MYO16: variants seen among roughly 807,000 people sequenced by gnomAD.
MYO16 encodes myosin XVI.
In MYO16, 94 loss-of-function variants were observed where a neutral mutation model predicts 205.3. That is an observed-to-expected ratio of 0.46 (90% CI 0.39 to 0.54). The LOEUF (loss-of-function observed/expected upper bound fraction) is 0.54, where lower values mean the gene tolerates loss of function less well. Among genes scored for constraint, MYO16 ranks in the 20% least tolerant of loss-of-function variants. The pLI is 0.00. For missense variants in MYO16, 2,315 were observed against 2,387.5 expected (o/e 0.97, Z 0.63); for synonymous variants, 988 against 954.0 (o/e 1.04, Z -0.66).
At chr13:109,112,046 T>C (rs879736641) in intron 28 of MYO16, among the ~76,000 whole-genome samples, 1 of 152,184 alleles carries the variant, frequency 6.6e-6, no homozygotes. Flanking sequence ...AGTAATGATA[T>C]TATTCAGTGA....
At chr13:108,732,462 G>A (rs112713733) in intron 4 of MYO16, among the ~76,000 whole-genome samples, 6 of 152,216 alleles carry the variant, frequency 3.9e-5, no homozygotes, top group Non-Finnish European at 8.8e-5. Flanking sequence ...CGGGAGCTAC[G>A]TGGATACGTG....
chr13:108,647,168 C>T (rs768322385), intron 1 of MYO16, among the ~76,000 whole-genome samples: 1 of 152,148 alleles, frequency 6.6e-6, no homozygotes, highest in African/African-American at 2.4e-5. Context: ...TCTCCCTTGT[C>T]ACCCAGTAGG....
chr13:109,037,507 CAAGT>C (rs1244426026), intron 23 of MYO16, among the ~76,000 whole-genome samples: 6 of 151,930 alleles, frequency 3.9e-5, no homozygotes, highest in Admixed American at 3.3e-4. Flanking sequence ...GAGTCCTTCT[CAAGT>C]AAGTCATGTA....
intron 3 of MYO16, among the ~76,000 whole-genome samples, chr13:108,713,601 T>G (rs1883807701): frequency 6.6e-6 from 1 of 152,208 alleles, no homozygotes; most frequent in Admixed American, 6.5e-5. Context: ...GCTTGACCGC[T>G]GGGAGTTGTT....
intron 1 of MYO16, among the ~76,000 whole-genome samples, chr13:108,636,237 T>C (rs1374803802): frequency 6.6e-6 from 1 of 152,202 alleles, no homozygotes; most frequent in African/African-American, 2.4e-5. Flanking sequence ...TATGATAAGG[T>C]AAATCTCTCC....
At chr13:108,898,739 ATACT>A (rs1382741036) in intron 15 of MYO16, among the ~76,000 whole-genome samples, 4 of 152,170 alleles carry the variant, frequency 2.6e-5, no homozygotes, top group African/African-American at 7.2e-5. Context: ...TTTGATTTAA[ATACT>A]TAAAGTATAT....
chr13:108,910,237 C>A, intron 16 of MYO16, 87 bp downstream of exon 16: 1 of 1,390,698 alleles, frequency 7.2e-7, no homozygotes, highest in Non-Finnish European at 9.9e-7. Flanking sequence ...TCTTACTTTT[C>A]AGAGACAAAA....
At chr13:109,090,073 G>A (rs1283214676) in intron 27 of MYO16, among the ~76,000 whole-genome samples, 1 of 152,204 alleles carries the variant, frequency 6.6e-6, no homozygotes, top group Non-Finnish European at 1.5e-5. Flanking sequence ...GTGCATTTGT[G>A]TTCCTAAAAG....
chr13:108,830,113 G>A (rs1876521173), intron 9 of MYO16, among the ~76,000 whole-genome samples: 1 of 132,046 alleles, frequency 7.6e-6, no homozygotes, highest in Non-Finnish European at 1.7e-5. Flanking sequence ...GGAAACAACA[G>A]ATGCTGGAGA....
intron 1 of MYO16, among the ~76,000 whole-genome samples, chr13:108,612,741 C>G (rs939904942): frequency 6.6e-6 from 1 of 152,114 alleles, no homozygotes; most frequent in African/African-American, 2.4e-5. Flanking sequence ...ACAACCCATT[C>G]CCATTACCTC....
intron 7 of MYO16, among the ~76,000 whole-genome samples, chr13:108,819,764 C>T (rs1302204383): frequency 6.6e-6 from 1 of 152,118 alleles, no homozygotes; most frequent in Non-Finnish European, 1.5e-5. Flanking sequence ...CTTTAGGTTC[C>T]TGCTGCCCAT....
At chr13:109,046,633 A>G (rs1315048404) in intron 23 of MYO16, among the ~76,000 whole-genome samples, 1 of 152,324 alleles carries the variant, frequency 6.6e-6, no homozygotes, top group Non-Finnish European at 1.5e-5. Flanking sequence ...CTTAAGAATA[A>G]AGGAAACTAC....
intron 31 of MYO16, among the ~76,000 whole-genome samples, chr13:109,129,963 G>T (rs540162776): frequency 1.3e-4 from 19 of 148,564 alleles, no homozygotes; most frequent in Admixed American, 4.7e-4. Context: ...ACCTCAGAGA[G>T]CTCTCTCCTA....
intron 12 of MYO16, among the ~76,000 whole-genome samples, chr13:108,872,861 A>T (rs1349184491): frequency 6.6e-6 from 1 of 152,196 alleles, no homozygotes; most frequent in Non-Finnish European, 1.5e-5. Context: ...TTTATAGGTC[A>T]TGAGAAAAGG....
intron 1 of MYO16, among the ~76,000 whole-genome samples, chr13:108,624,004 G>A (rs1040356070): frequency 5.3e-5 from 8 of 152,132 alleles, no homozygotes; most frequent in African/African-American, 1.9e-4. Flanking sequence ...AGAATGCATG[G>A]AATTTGAATA....
intron 14 of MYO16, among the ~76,000 whole-genome samples, chr13:108,896,383 T>TC (rs1234106495): frequency 6.6e-6 from 1 of 152,182 alleles, no homozygotes; most frequent in Non-Finnish European, 1.5e-5. Flanking sequence ...TTCATTTTTT[T>TC]CCCAGAAAAC....
At chr13:108,957,616 AG>A in intron 16 of MYO16, 71 bp from the exon 17 acceptor site, 1 of 1,011,340 alleles carries the variant, frequency 9.9e-7, no homozygotes, top group Non-Finnish European at 1.6e-6. Flanking sequence ...CAAATACGGC[AG>A]AAGTGACTTT....
chr13:108,539,525 T>C, the MYO16 span, among the ~76,000 whole-genome samples: 4 of 152,242 alleles, frequency 2.6e-5, 1 homozygote, highest in Middle Eastern at 0.01. Flanking sequence ...AACCTCCCTG[T>C]GGGACAAATA....
intron 27 of MYO16, among the ~76,000 whole-genome samples, chr13:109,093,558 T>A (rs538563876): frequency 9.2e-5 from 14 of 152,240 alleles, no homozygotes; most frequent in African/African-American, 2.9e-4. Context: ...TAAATAGCAT[T>A]AGTCTGGGGA....
Sources: gnomAD v4.1 joint callset for allele counts (sites outside exome capture counted in the v4.1 genomes callset) on GRCh38, gnomAD v4.1.1 for gene constraint, MANE v1.5 for transcripts, NCBI Gene and HGNC (gene_info 2026-07-23, HGNC 2026-07-21) for gene names.